The following ITGAE variants were observed in gnomAD, a reference collection of about 807,000 sequenced individuals.
The protein encoded by ITGAE is integrin alpha-E.
In ITGAE, 99 loss-of-function variants were observed where a neutral mutation model predicts 136.5. The ratio of observed to expected loss-of-function variants is 0.73; its 90% confidence interval spans 0.62 to 0.86. ITGAE has a LOEUF of 0.86. ITGAE is among the 40% of genes least tolerant of loss of function. ITGAE has a pLI of 0.00. For missense variants in ITGAE, 1,447 were observed against 1,515.3 expected, an observed-to-expected ratio of 0.95 and a Z score of 0.75; for synonymous variants, 613 against 591.8, an observed-to-expected ratio of 1.04 and a Z score of -0.52.
intron 1 of ITGAE, among the ~76,000 whole-genome samples, chr17:3,794,073 G>A (rs1024693969): frequency 6.6e-6 from 1 of 150,850 alleles, no homozygotes; most frequent in African/African-American, 2.4e-5. Context: ...CCGCCTCCTG[G>A]GTTCAAGCGA....
intron 21 of ITGAE, among the ~76,000 whole-genome samples, chr17:3,733,663 C>T (rs1050326174): frequency 1.6e-4 from 25 of 152,172 alleles, no homozygotes; most frequent in Non-Finnish European, 2.5e-4. Flanking sequence ...TCAGGTGATC[C>T]GCCCGCCTCG....
chr17:3,772,691 T>G (rs28478385), intron 2 of ITGAE, among the ~76,000 whole-genome samples: 2 of 151,998 alleles, frequency 1.3e-5, no homozygotes, highest in Admixed American at 1.3e-4. Flanking sequence ...CTCAAACTCC[T>G]GACCTCAAAT....
At chr17:3,764,312 T>C (rs2052242196) in intron 2 of ITGAE, among the ~76,000 whole-genome samples, 1 of 152,188 alleles carries the variant, frequency 6.6e-6, no homozygotes, top group African/African-American at 2.4e-5. Flanking sequence ...AGTGCTGGCT[T>C]CCTCGTGGGC....
intron 1 of ITGAE, among the ~76,000 whole-genome samples, chr17:3,797,853 G>T (rs2053159304): frequency 6.6e-6 from 1 of 152,112 alleles, no homozygotes; most frequent in Admixed American, 6.5e-5. Flanking sequence ...GCCTCCTCAC[G>T]GGCCTCTCTG....
chr17:3,753,002 C>G (rs2051908276), intron 14 of ITGAE, among the ~76,000 whole-genome samples: 1 of 152,232 alleles, frequency 6.6e-6, no homozygotes, highest in Non-Finnish European at 1.5e-5. Context: ...GAGCCAAGAT[C>G]CTGCCATTGC....
chr17:3,754,369 T>G (rs2051949073), intron 12 of ITGAE, among the ~76,000 whole-genome samples: 1 of 152,180 alleles, frequency 6.6e-6, no homozygotes, highest in Non-Finnish European at 1.5e-5. Context: ...CCTCCCGGGT[T>G]CAAGCGATTC....
Position 3,754,575 on chromosome 17 carries a change from C to T in ITGAE, c.1384+542G>A, listed in dbSNP as rs114253429. 759 of 153,934 alleles carry T rather than the reference C, an allele frequency of 4.9e-3. 9 individuals carry two copies. Among genetic ancestry groups the T allele is most frequent in the African/African-American group, 0.019 (727 of 38,296 alleles). The allele number at this position is 153,934 out of a possible 1,614,324, so 9.5% of individuals were successfully genotyped here. A position where few individuals can be genotyped will look rare whatever the true frequency, so the allele number is the denominator to read the frequency against. ...ACCACTATTATTAATGGAGAGGCCC[C>T]GCCCTCCCCTGGGTGGCTGCTGTGC... On this transcript the variant is annotated intron_variant, in intron 12 of 30. Coordinates refer to ENST00000263087, the MANE Select transcript of ITGAE (RefSeq NM_002208.5).
At chr17:3,800,858 A>G (rs1188804568) in intron 1 of ITGAE, among the ~76,000 whole-genome samples, 2 of 152,216 alleles carry the variant, frequency 1.3e-5, no homozygotes, top group Non-Finnish European at 2.9e-5. Flanking sequence ...GAGGAGGAAC[A>G]GAATGGCAGA....
chr17:3,779,942 G>T (rs1032359035), intron 1 of ITGAE, among the ~76,000 whole-genome samples: 1 of 152,058 alleles, frequency 6.6e-6, no homozygotes, highest in Non-Finnish European at 1.5e-5. Flanking sequence ...TTTCATCCTT[G>T]TTTTAAGAGT....
intron 1 of ITGAE, among the ~76,000 whole-genome samples, chr17:3,787,511 G>A (rs924943999): frequency 6.6e-6 from 1 of 152,084 alleles, no homozygotes; most frequent in African/African-American, 2.4e-5. Flanking sequence ...TCCCGCCCTG[G>A]CATACCAAAG....
intron 5 of ITGAE, 106 bp from the exon 6 acceptor site, chr17:3,761,283 C>G: frequency 6.5e-7 from 1 of 1,550,226 alleles, no homozygotes; most frequent in African/African-American, 1.4e-5. Flanking sequence ...ATGCCTCAAC[C>G]CTGCCTTGCT....
intron 26 of ITGAE, chr17:3,726,010 G>T: frequency 6.2e-7 from 1 of 1,613,976 alleles, no homozygotes; most frequent in Non-Finnish European, 8.5e-7. Flanking sequence ...ACCCTGTCGC[G>T]CTTGGAACGG....
At chr17:3,797,464 CTT>C (rs573506680) in intron 1 of ITGAE, among the ~76,000 whole-genome samples, 6 of 114,700 alleles carry the variant, frequency 5.2e-5, no homozygotes, top group Non-Finnish European at 8.9e-5. Context: ...TGCGCCTGGC[CTT>C]TTTTTTTTTT....
At position 3,718,623 on chromosome 17, in the gene ITGAE, G is replaced by A. The variant is rs7212812; in HGVS notation, c.3333+1684C>T. The stretch of plus-strand genomic sequence containing the variant: ...ATTGTCAGGAACTACTTAACACTTT[G>A]CTTAGGATATTGGATTTAAAGAAAG... On this transcript the variant is annotated intron_variant, in intron 29 of 30. Coordinates refer to ENST00000263087, the MANE Select transcript of ITGAE (RefSeq NM_002208.5). 4.4e-3 allele frequency among the ~76,000 whole-genome samples: 664 copies of A among 152,338 alleles called. 8 individuals carry two copies. The highest frequency in any genetic ancestry group is 0.015 in the African/African-American group (642 of 41,590).
At chr17:3,797,819 G>A (rs1406135266) in intron 1 of ITGAE, among the ~76,000 whole-genome samples, 7 of 152,154 alleles carry the variant, frequency 4.6e-5, no homozygotes, top group African/African-American at 1.7e-4. Flanking sequence ...TTCCGCAACA[G>A]CCGCAGATGG....
intron 11 of ITGAE, 125 bp downstream of exon 11, chr17:3,755,705 C>T: frequency 1.6e-6 from 1 of 627,686 alleles, no homozygotes; most frequent in South Asian, 2.5e-5. Flanking sequence ...AATAAAATCG[C>T]TCTTTTACAG....
At chr17:3,750,622 G>A (rs1412507996) in intron 15 of ITGAE, 140 bp from the exon 16 acceptor site, 6 of 993,364 alleles carry the variant, frequency 6.0e-6, no homozygotes, top group Non-Finnish European at 7.2e-6. Context: ...AGGAAAGAGG[G>A]AGCAAGCTTT....
In ITGAE at chr17:3,734,873, T is replaced by C. The variant is rs372894140; in HGVS notation, c.2599A>G (p.Met867Val). The C allele has an allele frequency of 5.6e-6, 9 of 1,614,094 alleles. No homozygotes were observed. The highest frequency in any genetic ancestry group is 1.3e-5 in the African/African-American group (1 of 74,944). Reference protein sequence around the residue: ...NLTNSGEDSYMTSMALNYPRN... With the variant: ...NLTNSGEDSYVTSMALNYPRN... Reference sequence around the variant, plus strand: ...GGGTAATTCAAGGCCATGCTTGTCATGTAGGAATCTTCCCCGGAGTTAGTT... The same window carrying C: ...GGGTAATTCAAGGCCATGCTTGTCACGTAGGAATCTTCCCCGGAGTTAGTT... Residue 867 changes from methionine (M) to valine (V), a missense_variant, in exon 21 of 31, where the codon ATG becomes GTG. Met to Val is a conservative substitution (Grantham distance 21, BLOSUM62 1). This residue lies in a region of ITGAE where 1,031 missense variants were observed against 1,011.4 expected (regional missense o/e 1.02). Coordinates refer to ENST00000263087, the MANE Select transcript of ITGAE (RefSeq NM_002208.5).
At chr17:3,752,049 G>A (rs188285403) in intron 14 of ITGAE, among the ~76,000 whole-genome samples, 175 bp from the exon 15 acceptor site, 3 of 151,862 alleles carry the variant, frequency 2.0e-5, no homozygotes, top group Admixed American at 6.6e-5. Context: ...CACGCTCACT[G>A]GGCCGGTGGG....
Sources: gnomAD v4.1 joint callset for allele counts (sites outside exome capture counted in the v4.1 genomes callset) on GRCh38, gnomAD v4.1.1 for gene constraint, gnomAD v4.1.1 regional missense constraint, MANE v1.5 for transcripts, NCBI Gene and HGNC (gene_info 2026-07-23, HGNC 2026-07-21) for gene names.